The following SLC16A10 variants were observed in gnomAD, a reference collection of about 807,000 sequenced individuals.
SLC16A10 encodes monocarboxylate transporter 10.
Under a neutral mutation model 40.0 loss-of-function variants are expected in SLC16A10, and 27 were observed. The ratio of observed to expected loss-of-function variants is 0.67; its 90% CI spans 0.50 to 0.93. SLC16A10 has a LOEUF of 0.93. Among genes scored for constraint, SLC16A10 ranks in the 40% least tolerant of loss-of-function variants. SLC16A10 has a pLI of 0.00. For synonymous variants in SLC16A10, 213 were observed against 249.8 expected (o/e 0.85, Z 1.39); for missense variants, 529 against 658.2 (o/e 0.80, Z 2.15).
Position 111,188,245 on chromosome 6 carries a change from TTCTC to T in SLC16A10, c.942+10585_942+10588del, listed in dbSNP as rs1251538944. Among the ~76,000 whole-genome samples, 37 of 150,900 alleles carry T rather than the reference TTCTC, an allele frequency of 2.5e-4. 1 individual carries two copies. In the East Asian group the frequency reaches 6.7e-3, roughly 27 times the overall value. ...CTAGGGTTTAAAAGTTTCATTTACT[TTCTC>T]TCTCCCTCTCTCCCTCTCTCCCTCT... On this transcript the variant is annotated intron_variant, in intron 3 of 5. Coordinates refer to ENST00000368851, the MANE Select transcript of SLC16A10 (RefSeq NM_018593.5).
intron 1 of SLC16A10, among the ~76,000 whole-genome samples, chr6:111,119,736 G>A (rs953287661): frequency 1.3e-5 from 2 of 152,224 alleles, no homozygotes; most frequent in African/African-American, 4.8e-5. Flanking sequence ...GGTCACAAGG[G>A]TGGGGTCCTG....
At chr6:111,172,309 G>A (rs1772600216) in intron 1 of SLC16A10, among the ~76,000 whole-genome samples, 1 of 152,124 alleles carries the variant, frequency 6.6e-6, no homozygotes, top group Admixed American at 6.5e-5. Flanking sequence ...AGCGAAGTCA[G>A]ATTACTCATT....
At chr6:111,099,820 C>A (rs1053981717) in intron 1 of SLC16A10, among the ~76,000 whole-genome samples, 1 of 151,850 alleles carries the variant, frequency 6.6e-6, no homozygotes, top group Non-Finnish European at 1.5e-5. Context: ...CCCAGAAGTT[C>A]TAGAGCAGCC....
At chr6:111,169,965 G>A (rs1772554123) in intron 1 of SLC16A10, among the ~76,000 whole-genome samples, 1 of 142,988 alleles carries the variant, frequency 7.0e-6, no homozygotes, top group Non-Finnish European at 1.5e-5. Context: ...CCCCCAGGTT[G>A]GAGTACAGTA....
At chr6:111,209,116 A>G (rs1237195155) in intron 4 of SLC16A10, among the ~76,000 whole-genome samples, 1 of 152,064 alleles carries the variant, frequency 6.6e-6, no homozygotes, top group East Asian at 1.9e-4. Context: ...CTGAGGTGGG[A>G]GGACTTTGAG....
chr6:111,134,763 C>G (rs1771847199), intron 1 of SLC16A10, among the ~76,000 whole-genome samples: 1 of 152,164 alleles, frequency 6.6e-6, no homozygotes, highest in South Asian at 2.1e-4. Context: ...ACTGTAAGGC[C>G]CACTGCCCCA....
intron 1 of SLC16A10, among the ~76,000 whole-genome samples, chr6:111,165,668 T>C (rs1419691030): frequency 2.0e-5 from 3 of 152,228 alleles, no homozygotes; most frequent in Non-Finnish European, 4.4e-5. Flanking sequence ...TCACTGCCTG[T>C]GTACAAGGTA....
At chr6:111,088,192 G>A in intron 1 of SLC16A10, 97 bp downstream of exon 1, 1 of 1,260,122 alleles carries the variant, frequency 7.9e-7, no homozygotes, top group Non-Finnish European at 1.1e-6. Context: ...GAGTGTGCAT[G>A]TCGGTGGGTC....
intron 1 of SLC16A10, among the ~76,000 whole-genome samples, chr6:111,126,659 A>T (rs901791442): frequency 3.9e-5 from 6 of 152,030 alleles, no homozygotes; most frequent in Admixed American, 6.6e-5. Context: ...GTTTTTATAT[A>T]TTTTTCCTTA....
chr6:111,182,316 T>C (rs556877864), intron 3 of SLC16A10, among the ~76,000 whole-genome samples: 2 of 141,872 alleles, frequency 1.4e-5, no homozygotes, highest in Non-Finnish European at 3.1e-5. Context: ...GTTTCTTTTT[T>C]TTTTTTTTTT....
chr6:111,205,334 G>A (rs531851304), intron 3 of SLC16A10, among the ~76,000 whole-genome samples: 1 of 152,254 alleles, frequency 6.6e-6, no homozygotes, highest in African/African-American at 2.4e-5. Context: ...AAATTTGCTT[G>A]CAGACTTCCA....
intron 1 of SLC16A10, among the ~76,000 whole-genome samples, chr6:111,100,165 G>T (rs1377576339): frequency 6.6e-6 from 1 of 151,970 alleles, no homozygotes; most frequent in East Asian, 1.9e-4. Context: ...TCTATTTATG[G>T]GTCACCTGGA....
intron 1 of SLC16A10, among the ~76,000 whole-genome samples, chr6:111,133,748 C>G (rs2114492681): frequency 6.6e-6 from 1 of 152,280 alleles, no homozygotes; most frequent in African/African-American, 2.4e-5. Flanking sequence ...AAGGACCCCC[C>G]TTTCAACCCA....
At chr6:111,117,351 C>CAAA (rs35235587) in intron 1 of SLC16A10, among the ~76,000 whole-genome samples, 2 of 73,424 alleles carry the variant, frequency 2.7e-5, no homozygotes, top group African/African-American at 5.7e-5. Context: ...GACTCCGTCT[C>CAAA]AAAAAAAAAA....
At chr6:111,104,623 A>C (rs1297930129) in intron 1 of SLC16A10, among the ~76,000 whole-genome samples, 1 of 152,210 alleles carries the variant, frequency 6.6e-6, no homozygotes. Context: ...TGGAGCGTTA[A>C]GGGTCAGCAA....
intron 2 of SLC16A10, 152 bp downstream of exon 2, chr6:111,172,991 T>A: frequency 1.0e-6 from 1 of 971,800 alleles, no homozygotes; most frequent in Non-Finnish European, 1.5e-6. Flanking sequence ...CTGTTATCCA[T>A]AGCAGCAAAT....
At chr6:111,152,610 T>C (rs1281348104) in intron 1 of SLC16A10, among the ~76,000 whole-genome samples, 3 of 152,226 alleles carry the variant, frequency 2.0e-5, no homozygotes, top group African/African-American at 7.2e-5. Context: ...CAGGGTTATT[T>C]CATTGTGAGA....
chr6:111,099,736 A>T (rs188429973), intron 1 of SLC16A10, among the ~76,000 whole-genome samples: 2 of 152,272 alleles, frequency 1.3e-5, no homozygotes, highest in Admixed American at 1.3e-4. Context: ...ATTAAAAATG[A>T]TTAAGGCTGG....
At chr6:111,147,821 G>A (rs527809979) in intron 1 of SLC16A10, among the ~76,000 whole-genome samples, 27 of 152,192 alleles carry the variant, frequency 1.8e-4, no homozygotes, top group African/African-American at 6.5e-4. Context: ...CTTCTCTGGG[G>A]CCAGCACAAA....
Sources: allele counts gnomAD v4.1 joint callset (sites outside exome capture counted in the v4.1 genomes callset), GRCh38; gene constraint gnomAD v4.1.1; transcripts MANE v1.5; gene names NCBI Gene and HGNC (gene_info 2026-07-23, HGNC 2026-07-21).